Variants in PBDC1 observed in about 807,000 individuals in gnomAD.
The protein encoded by PBDC1 is polysaccharide biosynthesis domain containing 1.
PBDC1 carries 3 observed loss-of-function variants against 12.0 expected under a neutral mutation model. The ratio of observed to expected loss-of-function variants is 0.25; its 90% CI spans 0.11 to 0.64. PBDC1 has a LOEUF of 0.64. PBDC1 is among the 30% of genes least tolerant of loss of function. The pLI is 0.84. For synonymous variants in PBDC1, 64 were observed against 56.4 expected, an observed-to-expected ratio of 1.13 and a Z score of -0.60; for missense variants, 162 against 168.1, an observed-to-expected ratio of 0.96 and a Z score of 0.20.
intron 2 of PBDC1, among the ~76,000 whole-genome samples, chrX:76,174,562 A>G (rs1052629596): frequency 1.8e-5 from 2 of 111,945 alleles, no homozygotes; most frequent in Admixed American, 1.9e-4. Flanking sequence ...TGATGGGTAT[A>G]TTATTTCAGT....
intron 4 of PBDC1, 53 bp from the exon 5 acceptor site, chrX:76,176,828 A>T: frequency 1.3e-6 from 1 of 789,630 alleles, no homozygotes; most frequent in Non-Finnish European, 1.9e-6. Context: ...TCCTGGCCTT[A>T]GTACGTCAGC....
In PBDC1 at chrX:76,178,059, G is replaced by T; in HGVS notation, c.*151G>T. The T allele has an allele frequency of 9.7e-7, 1 of 1,029,613 alleles. No homozygotes were observed. Among genetic ancestry groups the T allele is most frequent in the Non-Finnish European group, 1.3e-6 (1 of 766,487 alleles). The allele number at this position is 1,029,613 out of a possible 1,213,427, so 84.9% of individuals were successfully genotyped here. On this transcript the variant is annotated 3_prime_UTR_variant, in exon 6 of 6. Coordinates refer to ENST00000373358, the MANE Select transcript of PBDC1 (RefSeq NM_016500.5). The stretch of plus-strand genomic sequence containing the variant: ...CATCTTTCTAGTCTAACAGTCAGGA[G>T]CTGCTCTGGTCATTCCCTTGTATGA...
At chrX:76,176,833 G>A (rs369950912) in intron 4 of PBDC1, 48 bp from the exon 5 acceptor site, 19 of 854,106 alleles carry the variant, frequency 2.2e-5, no homozygotes, top group East Asian at 3.1e-5. Flanking sequence ...GCCTTAGTAC[G>A]TCAGCCTCTT....
At chrX:76,174,348 G>A (rs188200534) in intron 2 of PBDC1, among the ~76,000 whole-genome samples, 162 of 111,700 alleles carry the variant, frequency 1.5e-3, no homozygotes, top group Non-Finnish European at 2.6e-3. Flanking sequence ...CGTTGGAATG[G>A]GAGATTCCAG....
In PBDC1 at chrX:76,173,174, A is replaced by G. The variant is rs375928549; in HGVS notation, c.30+6A>G. On this transcript the variant is annotated splice_donor_region_variant and intron_variant, in intron 1 of 5. Transcript: ENST00000373358. ...CCAGTGGAACTGATGAGCCGGTGAG[A>G]CGCTGTTCTGGGGTCGGGTGAGTGG... 2.7e-5 allele frequency: 32 copies of G among 1,170,157 alleles called. No individual in the cohort carries two copies. Among genetic ancestry groups the G allele is most frequent in the Non-Finnish European group, 3.7e-5 (32 of 874,797 alleles).
rs1556797015 is a variant in PBDC1, at chrX:76,176,907, T to C, written c.324T>C (p.Phe108=). 1.7e-6 allele frequency: 2 copies of C among 1,206,734 alleles called. No homozygotes were observed. Among genetic ancestry groups the C allele is most frequent in the Non-Finnish European group, 2.2e-6 (2 of 891,644 alleles). The stretch of plus-strand genomic sequence containing the variant: ...AGTGGAGGCCATTCTGCTTGAAGTT[T>C]AATGGGATTGTTGAAGACTTCAACT... ...KEKWRPFCLK[F]NGIVEDFNYG... is the part of the protein sequence containing the mutation. Residue 108 remains phenylalanine, a synonymous_variant, in exon 5 of 6, where the codon TTT becomes TTC. Coordinates refer to ENST00000373358, the MANE Select transcript of PBDC1 (RefSeq NM_016500.5).
In PBDC1 at chrX:76,177,806, A is replaced by G. The variant is rs782240498; in HGVS notation, c.600A>G (p.Glu200=). The G allele has an allele frequency of 1.7e-6, 2 of 1,201,306 alleles. No homozygotes were observed. Among genetic ancestry groups the G allele is most frequent in the African/African-American group, 1.8e-5 (1 of 56,506 alleles). Residue 200 remains glutamate (E), a synonymous_variant, in exon 6 of 6, where the codon GAA becomes GAG. Transcript: ENST00000373358. Reference sequence around the variant, plus strand: ...AGAAAGGAGCTGATAGTGGAGAAGAAAAAGAGGAAGGAATCAACAGAGAAG... The same window carrying G: ...AGAAAGGAGCTGATAGTGGAGAAGAGAAAGAGGAAGGAATCAACAGAGAAG... The part of the protein sequence containing the change: ...GGEKGADSGE[E]KEEGINREDK...
At chrX:76,176,589 A>G (rs893683066) in intron 4 of PBDC1, among the ~76,000 whole-genome samples, 103 of 112,073 alleles carry the variant, frequency 9.2e-4, no homozygotes, top group African/African-American at 3.3e-3. Context: ...GGCTGAACTG[A>G]CCAATAACTT....
At chrX:76,174,985 A>G (rs1403319201) in intron 3 of PBDC1, 36 bp downstream of exon 3, 1 of 999,969 alleles carries the variant, frequency 1.0e-6, no homozygotes, top group Non-Finnish European at 1.4e-6. Flanking sequence ...GCAGAATTAA[A>G]CATGTAATTA....
chrX:76,173,504 CG>C, intron 1 of PBDC1, 80 bp from the exon 2 acceptor site: 1 of 699,143 alleles, frequency 1.4e-6, no homozygotes, highest in Non-Finnish European at 2.1e-6. Context: ...ATTACAGGCA[CG>C]AGTCACTGCG....
At position 76,173,329 on chromosome X, in the gene PBDC1, G is replaced by T. The variant is rs782649210; in HGVS notation, c.30+161G>T. On this transcript the variant is annotated intron_variant, in intron 1 of 5. Transcript: ENST00000373358. Reference sequence around the variant, plus strand: ...TCGACCTCCAGCGCTCAGATCTTCCGCCCACCTCATCCTCCCGAGGAGCTG... The same window carrying T: ...TCGACCTCCAGCGCTCAGATCTTCCTCCCACCTCATCCTCCCGAGGAGCTG... Among the ~76,000 whole-genome samples the T allele has an allele frequency of 2.7e-5, 3 of 110,543 alleles. No individual in the cohort carries two copies. In the East Asian group the frequency reaches 8.7e-4, roughly 32 times the overall value.
intron 2 of PBDC1, among the ~76,000 whole-genome samples, chrX:76,174,390 T>TA (rs1924735998): frequency 8.9e-6 from 1 of 111,855 alleles, no homozygotes; most frequent in Admixed American, 9.4e-5. Flanking sequence ...TGGTAAGACT[T>TA]ATTATAACCT....
chrX:76,175,445 A>G (rs1175007035), intron 3 of PBDC1, 28 bp from the exon 4 acceptor site: 1 of 1,185,288 alleles, frequency 8.4e-7, no homozygotes, highest in Non-Finnish European at 1.1e-6. Context: ...ACAGACTAGC[A>G]TCTGTATGTT....
intron 5 of PBDC1, among the ~76,000 whole-genome samples, chrX:76,177,382 C>A (rs1396051089): frequency 9.1e-6 from 1 of 110,385 alleles, no homozygotes; most frequent in African/African-American, 3.3e-5. Flanking sequence ...GACCCCATCT[C>A]TACAAAAATG....
At chrX:76,176,581 C>T (rs782216848) in intron 4 of PBDC1, among the ~76,000 whole-genome samples, 1 of 111,852 alleles carries the variant, frequency 8.9e-6, no homozygotes, top group Non-Finnish European at 1.9e-5. Context: ...CCATTTTGGG[C>T]TGAACTGACC....
intron 2 of PBDC1, among the ~76,000 whole-genome samples, chrX:76,174,527 T>A: frequency 8.9e-6 from 1 of 112,158 alleles, no homozygotes; most frequent in Non-Finnish European, 1.9e-5. Context: ...TTTGATTCTT[T>A]GTTCTCCCAA....
In PBDC1 at chrX:76,173,164, A is replaced by G; in HGVS notation, c.26A>G (p.Glu9Gly). 3 of 1,175,152 alleles carry G rather than the reference A, an allele frequency of 2.6e-6. No homozygotes were observed. Residue 9 changes from glutamate (E) to glycine (G), a missense_variant, in exon 1 of 6, where the codon GAG becomes GGG. By Grantham distance (98) the Glu-to-Gly change is moderately conservative. Transcript: ENST00000373358. MAATSGTD[E>G]PVSGELVSVA... ...ATGGCGGCCACCAGTGGAACTGATG[A>G]GCCGGTGAGACGCTGTTCTGGGGTC...
chrX:76,175,260 T>A (rs782348095), intron 3 of PBDC1, among the ~76,000 whole-genome samples: 7 of 112,397 alleles, frequency 6.2e-5, no homozygotes, highest in African/African-American at 1.9e-4. Context: ...GTACTGTGGT[T>A]AAGTAAGCCA....
Position 76,173,635 on chromosome X carries a change from G to A in PBDC1, c.81G>A (p.Glu27=). The A allele has an allele frequency of 8.4e-7, 1 of 1,190,630 alleles. No homozygotes were observed. The highest frequency in any genetic ancestry group is 1.1e-6 in the Non-Finnish European group (1 of 884,283). The change falls in exon 2 of 6, where the codon GAG becomes GAA. Residue 27 remains glutamate (E), a synonymous_variant. Transcript: ENST00000373358. ...SVAHALSLPA[E]SYGNDPDIEM... ...CACATGCGCTTTCTCTCCCAGCAGA[G>A]TCGTATGGCAACGATGTGAGTATGA... is the stretch of plus-strand genomic sequence containing the variant.
Sources: allele counts gnomAD v4.1 joint callset (sites outside exome capture counted in the v4.1 genomes callset), GRCh38; gene constraint gnomAD v4.1.1; transcripts MANE v1.5; gene names NCBI Gene and HGNC (gene_info 2026-07-23, HGNC 2026-07-21).